CNTN6: variants seen among roughly 807,000 people sequenced by gnomAD.
The protein encoded by CNTN6 is contactin 6.
CNTN6 carries 137 observed loss-of-function variants against 122.8 expected under a neutral mutation model. That is an observed-to-expected ratio of 1.12 (90% CI 0.97 to 1.29). CNTN6 has a LOEUF of 1.29. CNTN6 is among the 50% of genes most tolerant of loss of function. The pLI is 0.00. For missense variants in CNTN6, 1,634 were observed against 1,223.4 expected (o/e 1.34, Z -5.01); for synonymous variants, 570 against 426.0 (o/e 1.34, Z -4.16).
chr3:1,334,374 TTA>T (rs1702745985), intron 11 of CNTN6, among the ~76,000 whole-genome samples: 1 of 59,988 alleles, frequency 1.7e-5, no homozygotes, highest in Admixed American at 1.9e-4. Context: ...ACTCCTCTTT[TTA>T]TTTTTTTTTT....
In CNTN6 at chr3:1,212,496, CAT is replaced by C. The variant is rs1491444209; in HGVS notation, c.56-8190_56-8189del. On this transcript the variant is annotated intron_variant, in intron 2 of 22. Transcript: ENST00000446702. ...ACATACATGTGTGTGTATATATATA[CAT>C]GTGTGTATATATATACATATGTGTG... Among the ~76,000 whole-genome samples, 201 of 119,992 alleles carry C rather than the reference CAT, an allele frequency of 1.7e-3. 2 individuals are homozygous for C. The highest frequency in any genetic ancestry group is 5.5e-3 in the African/African-American group (188 of 33,944). The allele number at this position is 119,992 out of a possible 152,430, so 78.7% of individuals were successfully genotyped here.
chr3:1,281,318 G>C (rs929073633), intron 5 of CNTN6, among the ~76,000 whole-genome samples: 1 of 152,010 alleles, frequency 6.6e-6, no homozygotes, highest in Non-Finnish European at 1.5e-5. Context: ...TATATTCATG[G>C]GGGCAGACGG....
intron 2 of CNTN6, among the ~76,000 whole-genome samples, chr3:1,164,069 T>C (rs1270952927): frequency 2.0e-5 from 3 of 152,174 alleles, no homozygotes; most frequent in African/African-American, 7.2e-5. Context: ...TTGTGTGAGA[T>C]TTGGAAGGTG....
chr3:1,337,758 T>C (rs1703274907), intron 11 of CNTN6, among the ~76,000 whole-genome samples: 1 of 152,130 alleles, frequency 6.6e-6, no homozygotes, highest in African/African-American at 2.4e-5. Flanking sequence ...CTTGTTAAGG[T>C]GAGCCTTTCC....
At chr3:1,304,982 T>A (rs1698102630) in intron 7 of CNTN6, among the ~76,000 whole-genome samples, 1 of 94,888 alleles carries the variant, frequency 1.1e-5, no homozygotes, top group Admixed American at 1.5e-4. Context: ...AGAATGAGAC[T>A]CTGTCAAAAA....
At chr3:1,257,153 T>A (rs982456161) in intron 4 of CNTN6, among the ~76,000 whole-genome samples, 4 of 152,182 alleles carry the variant, frequency 2.6e-5, no homozygotes, top group Admixed American at 2.0e-4. Flanking sequence ...ATCTGTTTAT[T>A]GGCAATTTAA....
intron 1 of CNTN6, among the ~76,000 whole-genome samples, chr3:1,137,544 T>C (rs2092508747): frequency 6.6e-6 from 1 of 152,190 alleles, no homozygotes; most frequent in African/African-American, 2.4e-5. Flanking sequence ...TTGAACTTCC[T>C]ACTTGATCAG....
chr3:1,169,729 G>C (rs1385849634), intron 2 of CNTN6, among the ~76,000 whole-genome samples: 1 of 152,136 alleles, frequency 6.6e-6, no homozygotes, highest in Admixed American at 6.5e-5. Context: ...TAGATAGCCT[G>C]CAAAGCTGAG....
intron 2 of CNTN6, among the ~76,000 whole-genome samples, chr3:1,184,133 G>T (rs1254219875): frequency 6.6e-6 from 1 of 152,138 alleles, no homozygotes; most frequent in Admixed American, 6.6e-5. Context: ...AGTGATATCT[G>T]TCCCATTTTC....
At chr3:1,247,157 A>G (rs1348404537) in intron 4 of CNTN6, among the ~76,000 whole-genome samples, 1 of 152,092 alleles carries the variant, frequency 6.6e-6, no homozygotes, top group African/African-American at 2.4e-5. Flanking sequence ...ATTATAATGC[A>G]CCTGCATTTT....
In CNTN6 at chr3:1,403,750, G is replaced by C. The variant is rs1485589607; in HGVS notation, c.*332G>C. The C allele has an allele frequency of 1.2e-5, 2 of 164,512 alleles. No homozygotes were observed. Among genetic ancestry groups the C allele is most frequent in the African/African-American group, 4.8e-5 (2 of 41,846 alleles). The allele number at this position is 164,512 out of a possible 1,614,324, so 10.2% of individuals were successfully genotyped here. ...ATGATGAATACAAACTTGGCTCCTAGTTACCATAACTCACATGTACATTTT... is the reference window on the plus strand; with the variant it reads ...ATGATGAATACAAACTTGGCTCCTACTTACCATAACTCACATGTACATTTT... On this transcript the variant is annotated 3_prime_UTR_variant, in exon 23 of 23. Transcript: ENST00000446702.
intron 7 of CNTN6, among the ~76,000 whole-genome samples, chr3:1,300,498 GA>G (rs775206743): frequency 3.7e-4 from 35 of 95,426 alleles, no homozygotes; most frequent in African/African-American, 1.5e-3. Context: ...GAAGGAAAAA[GA>G]AAAGAAAGAG....
chr3:1,382,707 G>A (rs1020874349), intron 17 of CNTN6, among the ~76,000 whole-genome samples: 4 of 152,066 alleles, frequency 2.6e-5, no homozygotes, highest in South Asian at 2.1e-4. Context: ...ATATAAATAT[G>A]TAAAGCTTGT....
At chr3:1,146,039 T>G (rs1381168248) in intron 1 of CNTN6, among the ~76,000 whole-genome samples, 1 of 152,114 alleles carries the variant, frequency 6.6e-6, no homozygotes, top group Non-Finnish European at 1.5e-5. Flanking sequence ...GCCACTACTC[T>G]ATTTAAAACC....
intron 4 of CNTN6, among the ~76,000 whole-genome samples, chr3:1,266,864 T>A (rs1317695057): frequency 6.6e-6 from 1 of 151,584 alleles, no homozygotes; most frequent in African/African-American, 2.4e-5. Flanking sequence ...CCCCCTTTGC[T>A]GATGACCTGG....
intron 4 of CNTN6, among the ~76,000 whole-genome samples, chr3:1,273,864 G>C (rs894668739): frequency 6.6e-6 from 1 of 152,180 alleles, no homozygotes; most frequent in Admixed American, 6.5e-5. Flanking sequence ...TAAAGTATCA[G>C]TGTTCTTATC....
At position 1,245,624 on chromosome 3, in the gene CNTN6, TCAC is replaced by T. The variant is rs200573828; in HGVS notation, c.358+17635_358+17637del. Among the ~76,000 whole-genome samples, 1,077 of 150,738 alleles carry T rather than the reference TCAC, an allele frequency of 7.1e-3. 13 individuals carry two copies. The highest frequency in any genetic ancestry group is 0.025 in the African/African-American group (1,021 of 41,016). ...GACGGGTACGCCAAAATCTCAGAAA[TCAC>T]CACTAAAAAGCTTATTCATGTAACC... On this transcript the variant is annotated intron_variant, in intron 4 of 22. Coordinates refer to ENST00000446702, the MANE Select transcript of CNTN6 (RefSeq NM_001289080.2).
chr3:1,268,606 C>CAAA (rs71690299), intron 4 of CNTN6, among the ~76,000 whole-genome samples: 50 of 99,504 alleles, frequency 5.0e-4, no homozygotes, highest in African/African-American at 1.3e-3. Context: ...GACTCCGTCT[C>CAAA]AAAAAAAAAA....
At chr3:1,136,180 T>TA (rs1168065873) in intron 1 of CNTN6, among the ~76,000 whole-genome samples, 4 of 152,092 alleles carry the variant, frequency 2.6e-5, no homozygotes, top group African/African-American at 7.2e-5. Context: ...TAATTGACCC[T>TA]AAAAAAATTA....
Sources: gnomAD v4.1 joint callset for allele counts (sites outside exome capture counted in the v4.1 genomes callset) on GRCh38, gnomAD v4.1.1 for gene constraint, MANE v1.5 for transcripts, NCBI Gene and HGNC (gene_info 2026-07-23, HGNC 2026-07-21) for gene names.